Variants in PHF2 observed in about 807,000 individuals in gnomAD.
PHF2 encodes PHD finger protein 2.
In PHF2, 27 loss-of-function variants were observed where a neutral mutation model predicts 120.5. The observed-to-expected ratio is 0.22, with a 90% CI of 0.17 to 0.31. PHF2 has a LOEUF of 0.31. PHF2 is among the 10% of genes least tolerant of loss of function. The probability of loss-of-function intolerance (pLI) is 1.00; values close to 1 mark genes in which losing one functional copy is unlikely to be tolerated. For missense variants in PHF2, 1,024 were observed against 1,434.8 expected, an observed-to-expected ratio of 0.71 and a Z score of 4.63; for synonymous variants, 568 against 592.5, an observed-to-expected ratio of 0.96 and a Z score of 0.60.
chr9:93,673,382 G>A (rs1460695140), intron 17 of PHF2, among the ~76,000 whole-genome samples: 1 of 152,088 alleles, frequency 6.6e-6, no homozygotes, highest in Non-Finnish European at 1.5e-5. Flanking sequence ...GGGTGGATGA[G>A]CAGAGCTGGA....
chr9:93,613,544 TTC>T (rs1825672633), intron 1 of PHF2, among the ~76,000 whole-genome samples: 1 of 58,084 alleles, frequency 1.7e-5, no homozygotes, highest in African/African-American at 6.7e-5. Flanking sequence ...ATTGGGGTTC[TTC>T]TGATTTTCTT....
At chr9:93,642,165 C>A (rs879612399) in intron 3 of PHF2, among the ~76,000 whole-genome samples, 1 of 152,170 alleles carries the variant, frequency 6.6e-6, no homozygotes, top group East Asian at 1.9e-4. Flanking sequence ...ACAGTACCAC[C>A]GTCTTGACTG....
At chr9:93,616,782 A>G (rs374793841) in intron 1 of PHF2, among the ~76,000 whole-genome samples, 109 of 151,684 alleles carry the variant, frequency 7.2e-4, no homozygotes, top group African/African-American at 2.4e-3. Flanking sequence ...GCAGCATCCC[A>G]AGTAGTTGGG....
intron 5 of PHF2, among the ~76,000 whole-genome samples, chr9:93,651,340 G>T (rs1443163636): frequency 6.6e-6 from 1 of 152,192 alleles, no homozygotes; most frequent in Non-Finnish European, 1.5e-5. Flanking sequence ...TTGGCCTGTG[G>T]TTTTCTGTTG....
intron 1 of PHF2, among the ~76,000 whole-genome samples, chr9:93,601,500 G>A (rs1359461157): frequency 1.3e-5 from 2 of 152,132 alleles, no homozygotes; most frequent in African/African-American, 4.8e-5. Context: ...AATAAAAGAG[G>A]AGGAATTAGC....
intron 1 of PHF2, among the ~76,000 whole-genome samples, chr9:93,591,916 C>A (rs1484573032): frequency 6.6e-6 from 1 of 152,220 alleles, no homozygotes; most frequent in Non-Finnish European, 1.5e-5. Flanking sequence ...CTGCAGAGGC[C>A]TTGAGGCTCT....
At chr9:93,647,386 C>T (rs1012850296) in intron 4 of PHF2, among the ~76,000 whole-genome samples, 9 of 152,174 alleles carry the variant, frequency 5.9e-5, no homozygotes. Flanking sequence ...CACAGCTGTC[C>T]CTGCAGAAGC....
Position 93,645,610 on chromosome 9 carries a change from G to A in PHF2, c.300-19G>A, listed in dbSNP as rs1240560385. The A allele has an allele frequency of 3.2e-6, 5 of 1,561,372 alleles. No individual in the cohort carries two copies. The highest frequency in any genetic ancestry group is 1.2e-5 in the South Asian group (1 of 84,874). ...AGGCCTCGGGCCCAATGTGGCCTCT[G>A]ACCTGTGCTTCCCTGCAGTGCTGAA... is the stretch of plus-strand genomic sequence containing the variant. On this transcript the variant is annotated intron_variant, in intron 3 of 21. Coordinates refer to ENST00000359246, the MANE Select transcript of PHF2 (RefSeq NM_005392.4).
chr9:93,595,573 A>G (rs1825315874), intron 1 of PHF2, among the ~76,000 whole-genome samples: 1 of 152,262 alleles, frequency 6.6e-6, no homozygotes, highest in Non-Finnish European at 1.5e-5. Context: ...GAATGCCTGC[A>G]CATATGTCTG....
chr9:93,675,344 G>A (rs112732871), intron 19 of PHF2, among the ~76,000 whole-genome samples: 1 of 152,256 alleles, frequency 6.6e-6, no homozygotes, highest in East Asian at 1.9e-4. Context: ...TGTACCGGAG[G>A]CACCCACTTG....
At chr9:93,607,963 G>GAGAGAGA (rs1825570698) in intron 1 of PHF2, among the ~76,000 whole-genome samples, 1 of 145,820 alleles carries the variant, frequency 6.9e-6, no homozygotes, top group Non-Finnish European at 1.5e-5. Flanking sequence ...GAGAGAGAGA[G>GAGAGAGA]GGAAAGAGAT....
chr9:93,583,985 C>T (rs1031930968), intron 1 of PHF2, among the ~76,000 whole-genome samples: 1 of 152,046 alleles, frequency 6.6e-6, no homozygotes, highest in Non-Finnish European at 1.5e-5. Context: ...TGCACCACCA[C>T]GCCTGGCTAA....
intron 1 of PHF2, among the ~76,000 whole-genome samples, chr9:93,593,739 C>T (rs1312433052): frequency 6.6e-6 from 1 of 152,226 alleles, no homozygotes; most frequent in Non-Finnish European, 1.5e-5. Flanking sequence ...GTGATGTTTA[C>T]AGCAAGGCTT....
Position 93,654,396 on chromosome 9 carries a change from A to G in PHF2, c.790-17A>G, listed in dbSNP as rs1826421648. 1.2e-6 allele frequency: 2 copies of G among 1,608,392 alleles called. No homozygotes were observed. The highest frequency in any genetic ancestry group is 1.7e-6 in the Non-Finnish European group (2 of 1,175,688). On this transcript the variant is annotated splice_polypyrimidine_tract_variant and intron_variant, in intron 6 of 21. Coordinates refer to ENST00000359246, the MANE Select transcript of PHF2 (RefSeq NM_005392.4). ...CATCCCAGTATGGGCGGCTCTGCCA[A>G]CAGGCTCTCTTGGCAGGGGGAGAAG...
chr9:93,591,796 C>A (rs771472514), intron 1 of PHF2, among the ~76,000 whole-genome samples: 1 of 152,140 alleles, frequency 6.6e-6, no homozygotes, highest in Non-Finnish European at 1.5e-5. Context: ...GGAAGAAGCC[C>A]GAGAGAGCAT....
intron 1 of PHF2, among the ~76,000 whole-genome samples, chr9:93,601,736 G>C (rs900449441): frequency 6.6e-6 from 1 of 152,196 alleles, no homozygotes; most frequent in Admixed American, 6.5e-5. Flanking sequence ...GTGTGCTGAG[G>C]GCTGTGTTTA....
At chr9:93,609,236 T>C (rs1234305140) in intron 1 of PHF2, among the ~76,000 whole-genome samples, 1 of 152,064 alleles carries the variant, frequency 6.6e-6, no homozygotes, top group Non-Finnish European at 1.5e-5. Flanking sequence ...ATTCACTTAC[T>C]CATAAACTGT....
intron 2 of PHF2, among the ~76,000 whole-genome samples, chr9:93,634,572 G>A (rs990375971): frequency 6.6e-6 from 1 of 152,208 alleles, no homozygotes; most frequent in Non-Finnish European, 1.5e-5. Context: ...TATGGCCCTG[G>A]CATTGCCTGG....
intron 1 of PHF2, among the ~76,000 whole-genome samples, chr9:93,619,937 G>T (rs539041052): frequency 3.7e-4 from 57 of 152,232 alleles, no homozygotes; most frequent in Admixed American, 3.5e-3. Flanking sequence ...TCAGCTCCTG[G>T]GTTTTCTCCT....
Sources: allele counts gnomAD v4.1 joint callset (sites outside exome capture counted in the v4.1 genomes callset), GRCh38; gene constraint gnomAD v4.1.1; transcripts MANE v1.5; gene names NCBI Gene and HGNC (gene_info 2026-07-23, HGNC 2026-07-21).